The following NRF1 variants were observed in gnomAD, a reference collection of about 807,000 sequenced individuals.
NRF1 encodes nuclear respiratory factor 1, also known as alpha palindromic-binding protein.
In NRF1, 5 loss-of-function variants were observed where a neutral mutation model predicts 58.5. That is an observed-to-expected ratio of 0.09 (90% CI 0.04 to 0.18). The LOEUF (loss-of-function observed/expected upper bound fraction) is 0.18, where lower values mean the gene tolerates loss of function less well. Ranked by LOEUF, NRF1 falls within the 10% of genes least tolerant of loss-of-function variation. The probability of loss-of-function intolerance (pLI) is 1.00; values close to 1 mark genes in which losing one functional copy is unlikely to be tolerated. For synonymous variants in NRF1, 224 were observed against 246.7 expected (o/e 0.91, Z 0.86); for missense variants, 288 against 657.7 (o/e 0.44, Z 6.15).
At chr7:129,644,462 G>A (rs1226548025) in intron 1 of NRF1, among the ~76,000 whole-genome samples, 3 of 152,138 alleles carry the variant, frequency 2.0e-5, no homozygotes, top group Non-Finnish European at 4.4e-5. Flanking sequence ...GATAGATAAT[G>A]GCCTGTGATA....
intron 1 of NRF1, among the ~76,000 whole-genome samples, chr7:129,645,311 A>G (rs1446045760): frequency 1.3e-5 from 2 of 152,232 alleles, no homozygotes; most frequent in Non-Finnish European, 2.9e-5. Context: ...GTGGCAGAGC[A>G]AGAAATGGAA....
chr7:129,638,103 T>G (rs1323792147), intron 1 of NRF1, among the ~76,000 whole-genome samples: 2 of 152,126 alleles, frequency 1.3e-5, no homozygotes, highest in Non-Finnish European at 2.9e-5. Flanking sequence ...TGGCACAGTT[T>G]TTTTTTTTTC....
chr7:129,709,292 A>T, intron 6 of NRF1, 59 bp downstream of exon 6: 1 of 1,367,476 alleles, frequency 7.3e-7, no homozygotes, highest in Admixed American at 2.7e-5. Flanking sequence ...TAACCACCTC[A>T]ATTTTTGTCA....
At chr7:129,726,994 C>T (rs549284966) in intron 9 of NRF1, among the ~76,000 whole-genome samples, 1 of 152,272 alleles carries the variant, frequency 6.6e-6, no homozygotes, top group South Asian at 2.1e-4. Context: ...ACTCAATTAC[C>T]GAGGTTCTGA....
At chr7:129,619,874 G>C (rs1333339153) in intron 1 of NRF1, among the ~76,000 whole-genome samples, 1 of 151,694 alleles carries the variant, frequency 6.6e-6, no homozygotes, top group Non-Finnish European at 1.5e-5. Flanking sequence ...GTTAAGTATG[G>C]GGGTTTTTAA....
rs1804253814 is a variant in NRF1, at chr7:129,756,342, A to G, written c.*1161A>G. The G allele has an allele frequency of 6.6e-6, 1 of 152,320 alleles. No homozygotes were observed. Among genetic ancestry groups the G allele is most frequent in the Non-Finnish European group, 1.5e-5 (1 of 68,120 alleles). 9.4% of individuals were successfully genotyped at this position (152,320 alleles called of 1,614,324 possible). On this transcript the variant is annotated 3_prime_UTR_variant, in exon 11 of 11. Transcript: ENST00000393232. ...CTAAGCTTGGTTGGGCCCGGTCAGT[A>G]CGCGGAAGGGAAGAAGGGACACCTG...
intron 1 of NRF1, among the ~76,000 whole-genome samples, chr7:129,638,674 T>C (rs896337287): frequency 1.3e-5 from 2 of 152,216 alleles, no homozygotes; most frequent in Admixed American, 1.3e-4. Flanking sequence ...GTAGTAGTCA[T>C]GGAAAAATTT....
chr7:129,676,493 G>A (rs986740565), intron 3 of NRF1, among the ~76,000 whole-genome samples: 7 of 152,216 alleles, frequency 4.6e-5, no homozygotes, highest in African/African-American at 1.7e-4. Context: ...AAGGCCTGAG[G>A]AGTGGGAGAG....
At chr7:129,657,296 G>T (rs1584613487) in intron 1 of NRF1, 50 bp from the exon 2 acceptor site, 1 of 1,319,608 alleles carries the variant, frequency 7.6e-7, no homozygotes, top group African/African-American at 1.5e-5. Flanking sequence ...TAAACATTGT[G>T]TTATATTACA....
intron 1 of NRF1, among the ~76,000 whole-genome samples, chr7:129,620,771 A>G (rs976308444): frequency 5.9e-5 from 9 of 152,240 alleles, no homozygotes; most frequent in African/African-American, 2.2e-4. Flanking sequence ...TTTTCTACCA[A>G]GCTGGCTCAT....
intron 10 of NRF1, among the ~76,000 whole-genome samples, chr7:129,739,631 T>C (rs1363901086): frequency 6.6e-6 from 1 of 152,040 alleles, no homozygotes; most frequent in Admixed American, 6.5e-5. Flanking sequence ...AACTGATCTA[T>C]TTTTATGCAC....
intron 3 of NRF1, among the ~76,000 whole-genome samples, chr7:129,673,648 C>T (rs1011877659): frequency 4.3e-4 from 56 of 131,002 alleles, no homozygotes; most frequent in African/African-American, 1.0e-3. Context: ...ACCCGGGAGG[C>T]GGAGCTTGCA....
chr7:129,626,845 C>A (rs1354398628), intron 1 of NRF1, among the ~76,000 whole-genome samples: 4 of 152,338 alleles, frequency 2.6e-5, no homozygotes, highest in East Asian at 3.9e-4. Context: ...TTTGATGCTT[C>A]TGTCAAGTGT....
chr7:129,748,274 CAAAAAAAA>C (rs10655886), intron 10 of NRF1, among the ~76,000 whole-genome samples: 7 of 78,080 alleles, frequency 9.0e-5, no homozygotes, highest in South Asian at 1.2e-3. Context: ...GACTCCGTCT[CAAAAAAAA>C]AAAAAAAAAA....
intron 10 of NRF1, among the ~76,000 whole-genome samples, chr7:129,742,661 C>T (rs1224530455): frequency 6.6e-6 from 1 of 152,120 alleles, no homozygotes; most frequent in Non-Finnish European, 1.5e-5. Flanking sequence ...GAATACAAAG[C>T]ATCCAATTTA....
At chr7:129,612,295 CGCGG>C (rs140553648) in intron 1 of NRF1, among the ~76,000 whole-genome samples, 2 of 149,760 alleles carry the variant, frequency 1.3e-5, no homozygotes, top group African/African-American at 4.9e-5. Context: ...GGCTCTCGTA[CGCGG>C]GCGGGCGGGC....
intron 7 of NRF1, among the ~76,000 whole-genome samples, 164 bp from the exon 8 acceptor site, chr7:129,711,311 C>A (rs1803067576): frequency 6.6e-6 from 1 of 152,154 alleles, no homozygotes; most frequent in Non-Finnish European, 1.5e-5. Flanking sequence ...TCGTGATAGT[C>A]TCTGAACTAT....
intron 3 of NRF1, among the ~76,000 whole-genome samples, chr7:129,673,046 T>A (rs1016998705): frequency 3.3e-5 from 5 of 150,836 alleles, no homozygotes; most frequent in African/African-American, 1.2e-4. Flanking sequence ...ACCAAGAGAG[T>A]GGTATCCTGG....
chr7:129,733,977 C>T lies in NRF1; in HGVS notation c.1348+6612C>T, dbSNP rs1157903763. Among the ~76,000 whole-genome samples the T allele has an allele frequency of 2.6e-5, 4 of 151,586 alleles. No individual in the cohort carries two copies. In the East Asian group the frequency reaches 7.8e-4, roughly 30 times the overall value. ...GGTCGAGGCTGCAGTGAGCCAAGAT[C>T]ATGCCGCTGCACTCCAGCCAGGATG... On this transcript the variant is annotated intron_variant, in intron 10 of 10. Coordinates refer to ENST00000393232, the MANE Select transcript of NRF1 (RefSeq NM_005011.5).
Sources: gnomAD v4.1 joint callset for allele counts (sites outside exome capture counted in the v4.1 genomes callset) on GRCh38, gnomAD v4.1.1 for gene constraint, MANE v1.5 for transcripts, NCBI Gene and HGNC (gene_info 2026-07-23, HGNC 2026-07-21) for gene names.